The following DPPA2 variants were observed in gnomAD, a reference collection of about 807,000 sequenced individuals.
DPPA2 encodes developmental pluripotency associated 2.
Under a neutral mutation model 36.2 loss-of-function variants are expected in DPPA2, and 26 were observed. That is an observed-to-expected ratio of 0.72 (90% CI 0.53 to 1.00). The LOEUF (loss-of-function observed/expected upper bound fraction) is 1.00, where lower values mean the gene tolerates loss of function less well. Among genes scored for constraint, DPPA2 ranks in the 50% least tolerant of loss-of-function variants. The pLI is 0.00. For synonymous variants in DPPA2, 113 were observed against 123.2 expected (o/e 0.92, Z 0.55); for missense variants, 361 against 365.1 (o/e 0.99, Z 0.09).
chr3:109,310,228 C>CA (rs1183674663), intron 3 of DPPA2, among the ~76,000 whole-genome samples: 1,223 of 46,838 alleles, frequency 0.026, 24 homozygotes, highest in Middle Eastern at 0.09. Context: ...AACTCCGTCT[C>CA]AAAAAAAAAA....
chr3:109,312,270 G>A (rs919948001), intron 3 of DPPA2, among the ~76,000 whole-genome samples: 1 of 152,148 alleles, frequency 6.6e-6, no homozygotes, highest in African/African-American at 2.4e-5. Flanking sequence ...GAAGGCGGAG[G>A]TTGCAGTGAG....
chr3:109,314,134 T>A (rs12635651), intron 2 of DPPA2, among the ~76,000 whole-genome samples: 1 of 151,724 alleles, frequency 6.6e-6, no homozygotes, highest in Non-Finnish European at 1.5e-5. Flanking sequence ...CCTTTGCTTT[T>A]AAAAAAAAAC....
At chr3:109,299,882 G>A (rs950241816) in intron 8 of DPPA2, among the ~76,000 whole-genome samples, 11 of 151,050 alleles carry the variant, frequency 7.3e-5, no homozygotes, top group Non-Finnish European at 1.0e-4. Flanking sequence ...TAGCCTTCCC[G>A]GTAGCTGGGA....
rs1707650502 is a variant in DPPA2, at chr3:109,309,267, G to T, written c.245C>A (p.Ala82Asp). 1 of 1,614,038 alleles carries T rather than the reference G, an allele frequency of 6.2e-7. No individual in the cohort carries two copies. The highest frequency in any genetic ancestry group is 8.5e-7 in the Non-Finnish European group (1 of 1,180,040). The stretch of plus-strand genomic sequence containing the variant: ...AGGCAAAATGGTCGGCAAGGGAAGG[G>T]CTGGTATTTTGCATCTAGCTTTTTG... ...APQKARCKIPALPLPTILPPI... is the reference protein window; with the variant it reads ...APQKARCKIPDLPLPTILPPI... The change falls in exon 4 of 9, where the codon GCC becomes GAC. Residue 82 changes from alanine (A) to aspartate (D), a missense_variant. Coordinates refer to ENST00000478945, the MANE Select transcript of DPPA2 (RefSeq NM_138815.4).
intron 3 of DPPA2, 124 bp from the exon 4 acceptor site, chr3:109,309,454 G>A (rs889488233): frequency 2.2e-4 from 209 of 947,744 alleles, no homozygotes; most frequent in Non-Finnish European, 3.0e-4. Flanking sequence ...TTGGGAGGCC[G>A]AGGTAGGCAG....
At chr3:109,303,402 C>T (rs1375724109) in intron 7 of DPPA2, among the ~76,000 whole-genome samples, 1 of 148,752 alleles carries the variant, frequency 6.7e-6, no homozygotes, top group Non-Finnish European at 1.5e-5. Flanking sequence ...CGGAGTTTCA[C>T]TCTTGTTGCC....
chr3:109,297,183 T>C (rs193253200), intron 8 of DPPA2, among the ~76,000 whole-genome samples: 148 of 152,078 alleles, frequency 9.7e-4, no homozygotes, highest in Non-Finnish European at 2.2e-4. Flanking sequence ...AATAAACATA[T>C]AAAAAGATGC....
chr3:109,308,037 G>C lies in DPPA2; in HGVS notation c.653C>G (p.Ala218Gly). The C allele has an allele frequency of 6.2e-7, 1 of 1,614,006 alleles. No homozygotes were observed. Among genetic ancestry groups the C allele is most frequent in the African/African-American group, 1.3e-5 (1 of 75,046 alleles). Reference sequence around the variant, plus strand: ...CACTTTAAGGTTGATCTTACCAGAGGCTTGCATCAAAAAGGCCTCAACAGA... The same window carrying C: ...CACTTTAAGGTTGATCTTACCAGAGCCTTGCATCAAAAAGGCCTCAACAGA... Reference protein sequence around the residue: ...PVSVEAFLMQASGVRWCVVHG... With the variant: ...PVSVEAFLMQGSGVRWCVVHG... Residue 218 changes from alanine (A) to glycine (G), a missense_variant, in exon 6 of 9, where the codon GCC becomes GGC. Ala to Gly is a moderately conservative substitution (Grantham distance 60, BLOSUM62 0). Transcript: ENST00000478945.
Position 109,309,178 on chromosome 3 carries a change from T to G in DPPA2, c.334A>C (p.Asn112His). ...DWCQQLGLST[N>H]GKKIEVYLRL... ...CACCCAAGTGTACTAACCTTGCCAT[T>G]AGTACTCAAACCGAGTTGTTGACAC... is the stretch of plus-strand genomic sequence containing the variant. The change falls in exon 4 of 9, where the codon AAT becomes CAT. Residue 112 changes from asparagine (N) to histidine (H), a missense_variant. Coordinates refer to ENST00000478945, the MANE Select transcript of DPPA2 (RefSeq NM_138815.4). The G allele has an allele frequency of 6.2e-7, 1 of 1,614,178 alleles. No homozygotes were observed.
Position 109,307,852 on chromosome 3 carries a change from C to T in DPPA2, c.658+180G>A, listed in dbSNP as rs142969928. On this transcript the variant is annotated intron_variant, in intron 6 of 8. Transcript: ENST00000478945. ...CAGTCACCTGATTTAGAGACCCATC[C>T]AGACACAACATGACTATCCATCAAT... Among the ~76,000 whole-genome samples the T allele has an allele frequency of 9.9e-5, 15 of 152,268 alleles. No individual in the cohort carries two copies. In the East Asian group the frequency reaches 2.1e-3, roughly 22 times the overall value.
intron 2 of DPPA2, 150 bp downstream of exon 2, chr3:109,314,360 C>A: frequency 1.3e-6 from 1 of 778,740 alleles, no homozygotes; most frequent in Non-Finnish European, 1.9e-6. Flanking sequence ...AGAAAACTAA[C>A]AATCTATTTG....
At position 109,300,459 on chromosome 3, in the gene DPPA2, TG is replaced by T; in HGVS notation, c.855-25del. 5 of 1,609,124 alleles carry T rather than the reference TG, an allele frequency of 3.1e-6. No individual in the cohort carries two copies. In the South Asian group the frequency reaches 5.5e-5, roughly 18 times the overall value. On this transcript the variant is annotated intron_variant, in intron 7 of 8. Transcript: ENST00000478945. ...TCCTGTAAGGCAAGTAGAAAAGAAC[TG>T]TGAAATATTGCTACAGCAAGGTAAA... is the stretch of plus-strand genomic sequence containing the variant.
chr3:109,314,445 G>A, intron 2 of DPPA2, 65 bp downstream of exon 2: 2 of 1,539,906 alleles, frequency 1.3e-6, no homozygotes, highest in South Asian at 1.2e-5. Context: ...AGAAACATAA[G>A]GGAGACCTAG....
In DPPA2 at chr3:109,308,103, G is replaced by A; in HGVS notation, c.587C>T (p.Ala196Val). ...TGAATTCAAAGCCTTAGGCTGAACA[G>A]CTCTTGCAGCAATTCTTGCCCATGA... ...LASWARIAAR[A>V]VQPKALNSCS... The change falls in exon 6 of 9, where the codon GCT (alanine) becomes GTT (valine). Residue 196 changes from alanine (A) to valine (V), a missense_variant. Transcript: ENST00000478945. The A allele has an allele frequency of 6.2e-7, 1 of 1,614,228 alleles. No homozygotes were observed. The highest frequency in any genetic ancestry group is 1.1e-5 in the South Asian group (1 of 91,084).
chr3:109,308,276 T>C lies in DPPA2; in HGVS notation c.414A>G (p.Ser138=). ...PEQRQDMPEM[S]QETRLQRCSR... is the part of the protein sequence containing the mutation. Reference sequence around the variant, plus strand: ...AACATCGCTGTAATCTGGTCTCTTGTGACATTTCAGGCATATCCTGCAAAT... The same window carrying C: ...AACATCGCTGTAATCTGGTCTCTTGCGACATTTCAGGCATATCCTGCAAAT... The change falls in exon 6 of 9, where the codon TCA becomes TCG. Residue 138 remains serine, a synonymous_variant. Transcript: ENST00000478945. 2 of 1,614,230 alleles carry C rather than the reference T, an allele frequency of 1.2e-6. No individual in the cohort carries two copies. Among genetic ancestry groups the C allele is most frequent in the South Asian group, 2.2e-5 (2 of 91,084 alleles).
chr3:109,304,400 T>G (rs182384612), intron 7 of DPPA2, 75 bp downstream of exon 7: 312 of 1,425,934 alleles, frequency 2.2e-4, no homozygotes, highest in Non-Finnish European at 2.8e-4. Flanking sequence ...TGCTTTCTAC[T>G]GTTAAATTAT....
At chr3:109,314,058 G>A (rs1707751922) in intron 2 of DPPA2, among the ~76,000 whole-genome samples, 1 of 151,996 alleles carries the variant, frequency 6.6e-6, no homozygotes. Context: ...TACTCTGAAA[G>A]AAAGTAACCA....
At chr3:109,297,789 T>A (rs1051548122) in intron 8 of DPPA2, among the ~76,000 whole-genome samples, 1 of 152,046 alleles carries the variant, frequency 6.6e-6, no homozygotes, top group African/African-American at 2.4e-5. Context: ...TAATTCTAAG[T>A]ATACACAACA....
intron 7 of DPPA2, among the ~76,000 whole-genome samples, chr3:109,301,635 G>C (rs1337045429): frequency 6.6e-6 from 1 of 151,474 alleles, no homozygotes; most frequent in Non-Finnish European, 1.5e-5. Flanking sequence ...CTGGTTGACA[G>C]AGCCAGACTC....
Sources: gnomAD v4.1 joint callset for allele counts (sites outside exome capture counted in the v4.1 genomes callset) on GRCh38, gnomAD v4.1.1 for gene constraint, MANE v1.5 for transcripts, NCBI Gene and HGNC (gene_info 2026-07-23, HGNC 2026-07-21) for gene names.